The following TSNARE1 variants were observed in gnomAD, a reference collection of about 807,000 sequenced individuals.
TSNARE1 encodes t-SNARE domain containing 1.
A neutral mutation model predicts 62.0 loss-of-function variants in TSNARE1; 49 were observed. That is an observed-to-expected ratio of 0.79 (90% confidence interval 0.63 to 1.00). TSNARE1 has a LOEUF of 1.00. TSNARE1 is among the 50% of genes least tolerant of loss of function. TSNARE1 has a pLI of 0.00. For synonymous variants in TSNARE1, 328 were observed against 294.4 expected, an observed-to-expected ratio of 1.11 and a Z score of -1.17; for missense variants, 755 against 700.1, an observed-to-expected ratio of 1.08 and a Z score of -0.88.
At chr8:142,306,488 C>T (rs1469343413) in intron 9 of TSNARE1, among the ~76,000 whole-genome samples, 1 of 152,232 alleles carries the variant, frequency 6.6e-6, no homozygotes, top group Non-Finnish European at 1.5e-5. Flanking sequence ...CAAGCTGGGT[C>T]TGAGACTGAC....
chr8:142,330,462 C>T (rs1455134714), intron 6 of TSNARE1, among the ~76,000 whole-genome samples: 1 of 152,244 alleles, frequency 6.6e-6, no homozygotes, highest in Non-Finnish European at 1.5e-5. Context: ...TCGGACGCCC[C>T]ACTCCAACCT....
At chr8:142,354,564 G>T in intron 2 of TSNARE1, 73 bp downstream of exon 2, 1 of 1,063,490 alleles carries the variant, frequency 9.4e-7, no homozygotes, top group Non-Finnish European at 1.4e-6. Flanking sequence ...CCATCAGCAT[G>T]ACACAGTGAG....
intron 12 of TSNARE1, among the ~76,000 whole-genome samples, chr8:142,236,048 G>C (rs1022828981): frequency 6.6e-5 from 10 of 152,154 alleles, no homozygotes; most frequent in Non-Finnish European, 1.5e-4. Context: ...TCAGGGCAAG[G>C]ACTCCGCAGC....
At chr8:142,378,938 G>C (rs1836530978) in intron 1 of TSNARE1, among the ~76,000 whole-genome samples, 1 of 152,152 alleles carries the variant, frequency 6.6e-6, no homozygotes, top group South Asian at 2.1e-4. Context: ...CCCAGGGCTG[G>C]CCCAGGCAGA....
chr8:142,334,961 A>G (rs1322834576), intron 4 of TSNARE1, among the ~76,000 whole-genome samples: 1 of 152,280 alleles, frequency 6.6e-6, no homozygotes, highest in Non-Finnish European at 1.5e-5. Context: ...TGAAAGTAAC[A>G]GCAAGAAACC....
chr8:142,252,623 A>G (rs185414873), intron 12 of TSNARE1, among the ~76,000 whole-genome samples: 83 of 152,364 alleles, frequency 5.4e-4, no homozygotes, highest in Admixed American at 1.2e-3. Flanking sequence ...TCACACAGCA[A>G]GCAAGTAACA....
intron 1 of TSNARE1, among the ~76,000 whole-genome samples, chr8:142,379,690 C>T (rs927435848): frequency 1.3e-5 from 2 of 152,198 alleles, no homozygotes; most frequent in African/African-American, 4.8e-5. Context: ...GACGCAGCCC[C>T]CAGTGCTCCG....
At position 142,300,522 on chromosome 8, in the gene TSNARE1, G is replaced by A. The variant is rs1360324821; in HGVS notation, c.1254C>T (p.Ala418=). 1.9e-6 allele frequency: 3 copies of A among 1,609,840 alleles called. No homozygotes were observed. The highest frequency in any genetic ancestry group is 1.1e-5 in the South Asian group (1 of 91,058). Reference sequence around the variant, plus strand: ...GGATGGCCTCCTCCCGCAGCCGGATGGCCTCCAGGTCCTCTTCAGTGATGT... The same window carrying A: ...GGATGGCCTCCTCCCGCAGCCGGATAGCCTCCAGGTCCTCTTCAGTGATGT... ...LPDITEEDLE[A]IRLREEAILQ... Residue 418 remains alanine, a synonymous_variant, in exon 10 of 14, where the codon GCC becomes GCT. Coordinates refer to ENST00000524325, the MANE Select transcript of TSNARE1 (RefSeq NM_145003.5).
chr8:142,274,737 G>A (rs530700555), intron 12 of TSNARE1, 44 bp downstream of exon 12: 37 of 1,452,918 alleles, frequency 2.5e-5, no homozygotes, highest in South Asian at 1.6e-4. Flanking sequence ...GATAGGGGAC[G>A]GAGGCCGGGC....
chr8:142,236,839 G>A (rs1339474841), intron 12 of TSNARE1, among the ~76,000 whole-genome samples: 1 of 152,194 alleles, frequency 6.6e-6, no homozygotes, highest in African/African-American at 2.4e-5. Context: ...GGGGATGTCA[G>A]GGAAGGAAAC....
At chr8:142,276,076 C>T (rs1248588882) in intron 11 of TSNARE1, 55 of 985,270 alleles carry the variant, frequency 5.6e-5, no homozygotes, top group Non-Finnish European at 6.0e-5. Flanking sequence ...TTGCCCCCAG[C>T]GCAGGGCCCT....
intron 12 of TSNARE1, among the ~76,000 whole-genome samples, chr8:142,256,776 G>A (rs965138274): frequency 1.3e-5 from 2 of 152,160 alleles, no homozygotes; most frequent in African/African-American, 2.4e-5. Flanking sequence ...GGCAGAGCTG[G>A]GATTAGAACC....
intron 4 of TSNARE1, among the ~76,000 whole-genome samples, chr8:142,333,394 T>C (rs1180187212): frequency 6.6e-6 from 1 of 152,238 alleles, no homozygotes; most frequent in African/African-American, 2.4e-5. Context: ...TTCTTTCAAC[T>C]TTCTCTGCAA....
chr8:142,347,985 A>T (rs1428965142), intron 2 of TSNARE1, among the ~76,000 whole-genome samples: 1 of 152,250 alleles, frequency 6.6e-6, no homozygotes, highest in African/African-American at 2.4e-5. Context: ...TCGAGGGGCC[A>T]GTATGCTCTG....
At chr8:142,405,254 C>G (rs1489279269), upstream of TSNARE1, 2 of 152,240 alleles carry the variant, frequency 1.3e-5, no homozygotes, top group Non-Finnish European at 2.9e-5. Flanking sequence ...GGGCTCCCCT[C>G]CCTTCCCTCA....
chr8:142,277,805 A>G (rs745326463), intron 11 of TSNARE1: 64 of 985,184 alleles, frequency 6.5e-5, no homozygotes, highest in Non-Finnish European at 7.0e-5. Flanking sequence ...GCAGGGAACC[A>G]CAGGGTGAGC....
intron 2 of TSNARE1, among the ~76,000 whole-genome samples, chr8:142,352,364 C>T (rs909879261): frequency 6.6e-6 from 1 of 152,266 alleles, no homozygotes; most frequent in African/African-American, 2.4e-5. Flanking sequence ...AAGACATCAC[C>T]GTCCGACACC....
intron 11 of TSNARE1, chr8:142,280,025 C>T (rs1586984498): frequency 4.9e-6 from 6 of 1,222,210 alleles, no homozygotes; most frequent in Non-Finnish European, 6.2e-6. Context: ...TGCTTGAGGT[C>T]CCCCAGGTCG....
intron 12 of TSNARE1, among the ~76,000 whole-genome samples, chr8:142,260,256 A>T (rs1361965712): frequency 6.6e-6 from 1 of 152,126 alleles, no homozygotes; most frequent in Non-Finnish European, 1.5e-5. Flanking sequence ...TCAAATCATG[A>T]TTTCAGCACA....
Sources: allele counts gnomAD v4.1 joint callset (sites outside exome capture counted in the v4.1 genomes callset), GRCh38; gene constraint gnomAD v4.1.1; transcripts MANE v1.5; gene names NCBI Gene and HGNC (gene_info 2026-07-23, HGNC 2026-07-21).